Variants in DMD observed in about 807,000 individuals in gnomAD.
DMD encodes the protein dystrophin.
Under a neutral mutation model 330.1 loss-of-function variants are expected in DMD, and 63 were observed. That is an observed-to-expected ratio of 0.19 (90% CI 0.16 to 0.24). The LOEUF (loss-of-function observed/expected upper bound fraction) is 0.24, where lower values mean the gene tolerates loss of function less well. Ranked by LOEUF, DMD falls within the 10% of genes least tolerant of loss-of-function variation. The pLI, the probability that DMD is intolerant of heterozygous loss-of-function variation, is 1.00. For missense variants in DMD, 3,344 were observed against 2,684.1 expected (o/e 1.25, Z -5.43); for synonymous variants, 1,223 against 959.8 (o/e 1.27, Z -5.07).
At chrX:31,728,686 C>G (rs1487225051) in intron 52 of DMD, among the ~76,000 whole-genome samples, 8 of 110,877 alleles carry the variant, frequency 7.2e-5, no homozygotes, top group African/African-American at 2.6e-4. Context: ...AAAGTCTAAG[C>G]CTGGTAAAAG....
At chrX:33,159,022 T>C (rs2048636350) in intron 1 of DMD, among the ~76,000 whole-genome samples, 1 of 112,020 alleles carries the variant, frequency 8.9e-6, no homozygotes, top group Admixed American at 9.5e-5. Context: ...ATGAAATTTA[T>C]CACTTCAGTA....
chrX:31,707,654 G>A (rs1190412934), intron 52 of DMD, among the ~76,000 whole-genome samples: 1 of 111,411 alleles, frequency 9.0e-6, no homozygotes, highest in Non-Finnish European at 1.9e-5. Flanking sequence ...TTGTGAAAAG[G>A]AACCAACAAT....
chrX:33,118,112 C>G (rs370897701), intron 1 of DMD, among the ~76,000 whole-genome samples: 17 of 90,404 alleles, frequency 1.9e-4, no homozygotes, highest in African/African-American at 5.7e-4. Context: ...GTTCAAGACT[C>G]TTTTTTTTTT....
chrX:32,821,782 C>A (rs1421145327), intron 5 of DMD, among the ~76,000 whole-genome samples: 1 of 109,848 alleles, frequency 9.1e-6, no homozygotes, highest in Non-Finnish European at 1.9e-5. Context: ...AATAGATTGA[C>A]AATTGCCTAG....
intron 5 of DMD, among the ~76,000 whole-genome samples, chrX:32,820,081 CAAAG>C (rs1311784153): frequency 5.4e-5 from 6 of 111,408 alleles, no homozygotes; most frequent in African/African-American, 9.8e-5. Context: ...AGGTCTCAGA[CAAAG>C]AAAGATTTAA....
intron 51 of DMD, among the ~76,000 whole-genome samples, chrX:31,736,225 G>T (rs2086864958): frequency 8.9e-6 from 1 of 111,901 alleles, no homozygotes. Flanking sequence ...CAAATTTCTG[G>T]AAGGAGCAGT....
In DMD at chrX:31,957,984, T is replaced by C. The variant is rs191910208; in HGVS notation, c.6614+10355A>G. ...TGTGATTCTAACATAAAAAGAACTT[T>C]GTAAATAAGTGTTTCTAATTATAAA... On this transcript the variant is annotated intron_variant, in intron 45 of 78. Transcript: ENST00000357033. Among the ~76,000 whole-genome samples, 536 of 111,450 alleles carry C rather than the reference T, an allele frequency of 4.8e-3. 3 individuals carry two copies. Among genetic ancestry groups the C allele is most frequent in the African/African-American group, 0.016 (481 of 30,701 alleles).
At chrX:32,730,832 G>A (rs1161944217) in intron 7 of DMD, among the ~76,000 whole-genome samples, 1 of 112,037 alleles carries the variant, frequency 8.9e-6, no homozygotes, top group Non-Finnish European at 1.9e-5. Context: ...AGCAGAAAAA[G>A]AGTAGGAATA....
chrX:33,016,219 A>C (rs2093799978), intron 2 of DMD, among the ~76,000 whole-genome samples: 1 of 111,459 alleles, frequency 9.0e-6, no homozygotes, highest in Admixed American at 9.6e-5. Flanking sequence ...AGATAAGGGT[A>C]ATCATCCCAG....
chrX:32,377,315 A>G (rs1284856380), intron 34 of DMD, among the ~76,000 whole-genome samples: 1 of 112,135 alleles, frequency 8.9e-6, no homozygotes, highest in African/African-American at 3.2e-5. Context: ...TAGCTTTTAC[A>G]GCTAAAGTAA....
intron 62 of DMD, among the ~76,000 whole-genome samples, chrX:31,308,475 C>A (rs2055216226): frequency 1.8e-5 from 2 of 111,681 alleles, no homozygotes; most frequent in South Asian, 7.5e-4. Flanking sequence ...AAATCGCTTC[C>A]AAATGTAATT....
At chrX:32,753,783 G>C (rs942467630) in intron 7 of DMD, among the ~76,000 whole-genome samples, 1 of 111,387 alleles carries the variant, frequency 9.0e-6, no homozygotes, top group Non-Finnish European at 1.9e-5. Context: ...TTCTGTACTT[G>C]CGTCTACATG....
chrX:31,160,146 G>T (rs2038638919), intron 74 of DMD, among the ~76,000 whole-genome samples: 1 of 110,649 alleles, frequency 9.0e-6, no homozygotes, highest in Admixed American at 9.6e-5. Context: ...TCACAAGAAA[G>T]AACTCCCGAT....
chrX:32,172,790 T>A (rs2096892427), intron 44 of DMD, among the ~76,000 whole-genome samples: 1 of 112,014 alleles, frequency 8.9e-6, no homozygotes, highest in Non-Finnish European at 1.9e-5. Flanking sequence ...AAGAGGACAT[T>A]CACAACATGT....
chrX:31,372,038 T>C (rs1193336629), intron 60 of DMD, among the ~76,000 whole-genome samples: 1 of 111,918 alleles, frequency 8.9e-6, no homozygotes, highest in African/African-American at 3.2e-5. Flanking sequence ...GCACAGTGAC[T>C]GGCAGAGTCT....
chrX:32,433,168 C>A (rs184450419), intron 29 of DMD, among the ~76,000 whole-genome samples: 383 of 112,180 alleles, frequency 3.4e-3, no homozygotes, highest in African/African-American at 8.9e-3. Context: ...ATGTTTTAAG[C>A]TTTCCTTAAA....
intron 19 of DMD, among the ~76,000 whole-genome samples, chrX:32,492,520 C>T (rs2043107705): frequency 8.9e-6 from 1 of 112,041 alleles, no homozygotes; most frequent in African/African-American, 3.2e-5. Flanking sequence ...TCATTATCAC[C>T]ATTACCATTC....
chrX:32,759,858 G>GAAA (rs2072019551), intron 7 of DMD, among the ~76,000 whole-genome samples: 1 of 21,164 alleles, frequency 4.7e-5, no homozygotes, highest in Non-Finnish European at 7.3e-5. Flanking sequence ...GGGGGGGGGG[G>GAAA]GCGGGGGAAG....
intron 41 of DMD, among the ~76,000 whole-genome samples, chrX:32,325,459 T>C (rs1367231855): frequency 8.9e-6 from 1 of 111,958 alleles, no homozygotes; most frequent in Non-Finnish European, 1.9e-5. Context: ...TTGTTCATAA[T>C]AGACTTCACT....
Sources: allele counts gnomAD v4.1 joint callset (sites outside exome capture counted in the v4.1 genomes callset), GRCh38; gene constraint gnomAD v4.1.1; transcripts MANE v1.5; gene names NCBI Gene and HGNC (gene_info 2026-07-23, HGNC 2026-07-21).